ADAM17: variants seen among roughly 807,000 people sequenced by gnomAD.
The protein encoded by ADAM17 is disintegrin and metalloproteinase domain-containing protein 17.
A neutral mutation model predicts 96.7 loss-of-function variants in ADAM17; 39 were observed. The ratio of observed to expected loss-of-function variants is 0.40; its 90% confidence interval spans 0.31 to 0.53. The LOEUF (loss-of-function observed/expected upper bound fraction) is 0.53. Ranked by LOEUF, ADAM17 falls within the 20% of genes least tolerant of loss-of-function variation. ADAM17 has a pLI of 0.44. For synonymous variants in ADAM17, 344 were observed against 359.2 expected, an observed-to-expected ratio of 0.96 and a Z score of 0.48; for missense variants, 777 against 1,013.2, an observed-to-expected ratio of 0.77 and a Z score of 3.17.
chr2:9,531,528 CCT>C (rs1558519230), intron 4 of ADAM17, among the ~76,000 whole-genome samples: 1 of 151,736 alleles, frequency 6.6e-6, no homozygotes, highest in Non-Finnish European at 1.5e-5. Context: ...GTGGCAAAAC[CCT>C]GTCTCTACCA....
intron 14 of ADAM17, among the ~76,000 whole-genome samples, chr2:9,495,344 G>A (rs979934773): frequency 2.6e-5 from 4 of 152,254 alleles, no homozygotes; most frequent in African/African-American, 7.2e-5. Flanking sequence ...AAGAATGGCA[G>A]AAATGCCAGA....
intron 14 of ADAM17, chr2:9,494,975 T>A: frequency 6.9e-6 from 3 of 436,276 alleles, no homozygotes; most frequent in Non-Finnish European, 8.0e-6. Context: ...CCACAAGGTT[T>A]AAAAAAAAAT....
intron 11 of ADAM17, 35 bp from the exon 12 acceptor site, chr2:9,505,400 A>G (rs143961566): frequency 1.4e-5 from 22 of 1,567,312 alleles, no homozygotes; most frequent in Non-Finnish European, 1.7e-5. Context: ...ACCCAAAATA[A>G]TATCATAAAA....
chr2:9,527,684 T>A (rs1385173599), intron 5 of ADAM17, 102 bp downstream of exon 5: 1 of 787,480 alleles, frequency 1.3e-6, no homozygotes, highest in African/African-American at 1.8e-5. Flanking sequence ...ATACTATAGT[T>A]ACTTGACAAT....
chr2:9,505,070 T>TCA lies in ADAM17; in HGVS notation c.1544+94_1544+95dup, dbSNP rs2124998782. ...GTAAACAAACACACTCACACCCCTT[T>TCA]CAGTTGATTCTAAAGCCCCTGCAAG... On this transcript the variant is annotated intron_variant, in intron 12 of 18. Transcript: ENST00000310823. 2.3e-6 allele frequency: 3 copies of TCA among 1,324,218 alleles called. No individual in the cohort carries two copies. The South Asian group carries it at 3.8e-5, about 17-fold the overall frequency. The allele number at this position is 1,324,218 out of a possible 1,614,324, so 82.0% of individuals were successfully genotyped here. A position where few individuals can be genotyped will look rare whatever the true frequency, so the allele number is the denominator to read the frequency against.
chr2:9,490,359 C>T lies in ADAM17; in HGVS notation c.2293G>A (p.Asp765Asn), dbSNP rs780815372. 1.9e-6 allele frequency: 3 copies of T among 1,614,140 alleles called. No individual in the cohort carries two copies. Among genetic ancestry groups the T allele is most frequent in the Non-Finnish European group, 2.5e-6 (3 of 1,180,036 alleles). Residue 765 changes from aspartate (D) to asparagine (N), a missense_variant, in exon 19 of 19, where the codon GAC (aspartate) becomes AAC (asparagine). Coordinates refer to ENST00000310823, the MANE Select transcript of ADAM17 (RefSeq NM_003183.6). ...DHQRMDTIQE[D>N]PSTDSHMDED... The stretch of plus-strand genomic sequence containing the variant: ...TCCATATGTGAGTCTGTGCTGGGGT[C>T]TTCCTGGATGGTGTCCATTCTCTGG...
At chr2:9,540,865 G>T (rs1052046160) in intron 2 of ADAM17, among the ~76,000 whole-genome samples, 19 of 152,200 alleles carry the variant, frequency 1.2e-4, no homozygotes, top group African/African-American at 4.6e-4. Flanking sequence ...CTTTAGAGGG[G>T]TGACAGTTAA....
At chr2:9,546,022 C>G (rs1665392349) in intron 1 of ADAM17, among the ~76,000 whole-genome samples, 1 of 149,858 alleles carries the variant, frequency 6.7e-6, no homozygotes, top group African/African-American at 2.5e-5. Context: ...CACTTGAGCC[C>G]AGGAGGTCAA....
At chr2:9,523,432 G>T in intron 6 of ADAM17, 94 bp from the exon 7 acceptor site, 1 of 1,113,176 alleles carries the variant, frequency 9.0e-7, no homozygotes, top group Non-Finnish European at 1.3e-6. Flanking sequence ...AAAAATCTCA[G>T]TTTAGAGGCC....
rs1661975491 is a variant in ADAM17 at position 9,489,938 on chromosome 2, A to G, written c.*239T>C. On this transcript the variant is annotated 3_prime_UTR_variant, in exon 19 of 19. Coordinates refer to ENST00000310823, the MANE Select transcript of ADAM17 (RefSeq NM_003183.6). ...CTGCTTTTGCACCACAGGTCAAAAG[A>G]TATTTTAAAAACTAAAACCTGAAAG... is the stretch of plus-strand genomic sequence containing the variant. The G allele has an allele frequency of 2.2e-6, 1 of 445,924 alleles. No homozygotes were observed. The highest frequency in any genetic ancestry group is 1.9e-5 in the African/African-American group (1 of 52,068). 27.6% of individuals were successfully genotyped at this position (445,924 alleles called of 1,614,324 possible). A position where few individuals can be genotyped will look rare whatever the true frequency, so the allele number is the denominator to read the frequency against.
chr2:9,521,096 C>G (rs1340526304), intron 8 of ADAM17, 107 bp downstream of exon 8: 15 of 819,864 alleles, frequency 1.8e-5, no homozygotes, highest in Non-Finnish European at 2.0e-6. Flanking sequence ...GAGACTGCTT[C>G]TGGGTGTCCA....
rs777722013 is a variant in ADAM17 at position 9,509,996 on chromosome 2, C to T, written c.1327G>A (p.Asp443Asn). 18 of 1,613,880 alleles carry T rather than the reference C, an allele frequency of 1.1e-5. No homozygotes were observed. The highest frequency in any genetic ancestry group is 1.6e-4 in the Middle Eastern group (1 of 6,084). The change falls in exon 11 of 19, where the codon GAT (aspartate) becomes AAT (asparagine). Residue 443 changes from aspartate to asparagine, a missense_variant. Coordinates refer to ENST00000310823, the MANE Select transcript of ADAM17 (RefSeq NM_003183.6). ...YVMYPIAVSG[D>N]HENNKMFSNC... ...ACACATACCTTATTGTTCTCGTGAT[C>T]GCCACTCACAGCTATGGGATACATG...
intron 4 of ADAM17, among the ~76,000 whole-genome samples, chr2:9,529,412 C>T: frequency 6.6e-6 from 1 of 152,022 alleles, no homozygotes; most frequent in East Asian, 1.9e-4. Context: ...GATCATGCCA[C>T]TGCACTCCAG....
intron 1 of ADAM17, among the ~76,000 whole-genome samples, chr2:9,551,849 C>G (rs1236615769): frequency 3.3e-5 from 5 of 152,140 alleles, no homozygotes; most frequent in African/African-American, 1.2e-4. Flanking sequence ...GTCTCGGCCA[C>G]CCACATAAAT....
intron 1 of ADAM17, among the ~76,000 whole-genome samples, chr2:9,548,918 C>A (rs1478314061): frequency 6.6e-6 from 1 of 152,200 alleles, no homozygotes; most frequent in Non-Finnish European, 1.5e-5. Context: ...ATTAGATAAA[C>A]CTTCCACTCT....
At chr2:9,494,843 G>T in intron 14 of ADAM17, 76 bp from the exon 15 acceptor site, 1 of 1,556,048 alleles carries the variant, frequency 6.4e-7, no homozygotes, top group Non-Finnish European at 8.7e-7. Flanking sequence ...TTTCCTCCCT[G>T]ACCATGCTCC....
intron 11 of ADAM17, among the ~76,000 whole-genome samples, chr2:9,508,588 A>G (rs528667392): frequency 7.2e-5 from 11 of 152,328 alleles, no homozygotes; most frequent in East Asian, 1.9e-4. Context: ...GTTAATGCCC[A>G]TTCCCGTCTC....
chr2:9,538,186 C>G (rs928965240), intron 2 of ADAM17, among the ~76,000 whole-genome samples: 1 of 152,138 alleles, frequency 6.6e-6, no homozygotes, highest in Non-Finnish European at 1.5e-5. Context: ...TATTTATAGT[C>G]TTTCAATGTG....
rs375542168 is a variant in ADAM17 at position 9,543,144 on chromosome 2, T to C, written c.230+9A>G. The stretch of plus-strand genomic sequence containing the variant: ...GCCCCAACATTATTCCATGAATAAT[T>C]CAAATTACCTTTTCAAAGCTGAAAA... On this transcript the variant is annotated intron_variant, in intron 2 of 18. Coordinates refer to ENST00000310823, the MANE Select transcript of ADAM17 (RefSeq NM_003183.6). 31 of 1,571,758 alleles carry C rather than the reference T, an allele frequency of 2.0e-5. 1 individual carries two copies. In the South Asian group the frequency reaches 2.0e-4, roughly 10 times the overall value.
Sources: allele counts gnomAD v4.1 joint callset (sites outside exome capture counted in the v4.1 genomes callset), GRCh38; gene constraint gnomAD v4.1.1; transcripts MANE v1.5; gene names NCBI Gene and HGNC (gene_info 2026-07-23, HGNC 2026-07-21).